Variants in ZNF236 observed in about 807,000 individuals in gnomAD.
ZNF236 encodes zinc finger protein 236.
A neutral mutation model predicts 191.2 loss-of-function variants in ZNF236; 50 were observed. The ratio of observed to expected loss-of-function variants is 0.26; its 90% CI spans 0.21 to 0.33. ZNF236 has a LOEUF of 0.33. Among genes scored for constraint, ZNF236 ranks in the 10% least tolerant of loss-of-function variants. The pLI is 1.00. For synonymous variants in ZNF236, 907 were observed against 928.8 expected (o/e 0.98, Z 0.43); for missense variants, 1,754 against 2,374.5 (o/e 0.74, Z 5.43).
chr18:76,921,917 A>T (rs1006240409), intron 20 of ZNF236, among the ~76,000 whole-genome samples: 1 of 151,938 alleles, frequency 6.6e-6, no homozygotes, highest in African/African-American at 2.4e-5. Flanking sequence ...CCAGTGAGTA[A>T]GTGTGATGAG....
intron 25 of ZNF236, among the ~76,000 whole-genome samples, chr18:76,931,527 C>G (rs1967846595): frequency 6.6e-6 from 1 of 151,792 alleles, no homozygotes; most frequent in South Asian, 2.1e-4. Context: ...GTTAATAACT[C>G]CATGTACAAA....
At chr18:76,958,338 G>A (rs1253398580) in intron 28 of ZNF236, among the ~76,000 whole-genome samples, 1 of 152,156 alleles carries the variant, frequency 6.6e-6, no homozygotes, top group East Asian at 1.9e-4. Flanking sequence ...TTCGAGGAGT[G>A]CAGCTCGTCG....
At position 76,960,919 on chromosome 18, in the gene ZNF236, A is replaced by T. The variant is rs926402918; in HGVS notation, c.5419+64A>T. The T allele has an allele frequency of 1.1e-5, 17 of 1,506,482 alleles. No individual in the cohort carries two copies. Among genetic ancestry groups the T allele is most frequent in the Non-Finnish European group, 1.5e-5 (17 of 1,122,580 alleles). 93.3% of individuals were successfully genotyped at this position (1,506,482 alleles called of 1,614,324 possible). A position where few individuals can be genotyped will look rare whatever the true frequency, so the allele number is the denominator to read the frequency against. Reference sequence around the variant, plus strand: ...GCCTGCGAGGCACCCTGTGTTTCGCATACATTGTTTCCTTTAGTTCACACA... The same window carrying T: ...GCCTGCGAGGCACCCTGTGTTTCGCTTACATTGTTTCCTTTAGTTCACACA... On this transcript the variant is annotated intron_variant, in intron 30 of 30. Transcript: ENST00000320610. This position sits in a 1 kb window ranked among gnomAD's most constrained non-coding sequence, Gnocchi z 4.4.
intron 22 of ZNF236, among the ~76,000 whole-genome samples, chr18:76,926,337 C>T (rs563044770): frequency 1.3e-5 from 2 of 151,864 alleles, no homozygotes; most frequent in South Asian, 2.1e-4. Context: ...AATGAGATTT[C>T]GCGGGTGATT....
At chr18:76,901,496 C>T (rs769709917) in intron 11 of ZNF236, among the ~76,000 whole-genome samples, 5 of 152,210 alleles carry the variant, frequency 3.3e-5, no homozygotes, top group Non-Finnish European at 7.3e-5. Flanking sequence ...CGGTGGCTCA[C>T]GCCTGTGACC....
intron 30 of ZNF236, among the ~76,000 whole-genome samples, chr18:76,963,461 GC>G (rs1968707824): frequency 6.6e-6 from 1 of 152,132 alleles, no homozygotes; most frequent in South Asian, 2.1e-4. Context: ...TTTGATATGT[GC>G]TGGATTCGGT....
chr18:76,827,712 TAGTC>T (rs1197989743), intron 1 of ZNF236, among the ~76,000 whole-genome samples: 1 of 152,200 alleles, frequency 6.6e-6, no homozygotes, highest in African/African-American at 2.4e-5. Flanking sequence ...TTTGTTGAAG[TAGTC>T]AGGACGTGAG....
rs772659000 is a variant in ZNF236, at chr18:76,895,032, C to T, written c.1437C>T (p.Asn479=). Reference sequence around the variant, plus strand: ...TCACAGGCTCCATCCGCGAGGAGAACGGCGTGCGCTGGCATGTGTGTCCCT... The same window carrying T: ...TCACAGGCTCCATCCGCGAGGAGAATGGCGTGCGCTGGCATGTGTGTCCCT... ...PFLPGSIREE[N]GVRWHVCPYC... is the part of the protein sequence containing the mutation. Residue 479 remains asparagine, a synonymous_variant, in exon 10 of 31, where the codon AAC becomes AAT. Transcript: ENST00000320610. 8.1e-6 allele frequency: 13 copies of T among 1,610,022 alleles called. No homozygotes were observed. In the Admixed American group the frequency reaches 1.2e-4, roughly 14 times the overall value.
intron 17 of ZNF236, 117 bp from the exon 18 acceptor site, chr18:76,913,630 C>T (rs1967277661): frequency 9.5e-7 from 1 of 1,051,522 alleles, no homozygotes; most frequent in Non-Finnish European, 1.4e-6. Flanking sequence ...AACAGTTGTG[C>T]CTAAATGTTT....
At chr18:76,893,030 T>G (rs934310957) in intron 9 of ZNF236, among the ~76,000 whole-genome samples, 1 of 152,208 alleles carries the variant, frequency 6.6e-6, no homozygotes, top group African/African-American at 2.4e-5. Context: ...CAGGCCAGAT[T>G]TGGAGACAGC....
At chr18:76,946,953 A>G (rs1037184623) in intron 26 of ZNF236, among the ~76,000 whole-genome samples, 18 of 152,314 alleles carry the variant, frequency 1.2e-4, no homozygotes, top group African/African-American at 2.4e-5. Flanking sequence ...GAGTTGTACA[A>G]CCATCACCAT....
intron 27 of ZNF236, among the ~76,000 whole-genome samples, chr18:76,952,583 C>T (rs1202381418): frequency 6.6e-6 from 1 of 152,186 alleles, no homozygotes; most frequent in Non-Finnish European, 1.5e-5. Context: ...GTCTGTGCAT[C>T]CCTGCTCCCA....
chr18:76,856,285 C>T (rs1379661225), intron 3 of ZNF236, among the ~76,000 whole-genome samples: 2 of 152,012 alleles, frequency 1.3e-5, no homozygotes, highest in Non-Finnish European at 2.9e-5. Context: ...CGAGTTCAAG[C>T]GATTCTCCTG....
intron 28 of ZNF236, among the ~76,000 whole-genome samples, chr18:76,957,132 G>A (rs1040317622): frequency 5.9e-5 from 9 of 151,692 alleles, no homozygotes; most frequent in African/African-American, 9.8e-5. Flanking sequence ...TGGACCCTTG[G>A]GGTTCCTGTG....
chr18:76,927,132 G>T lies in ZNF236; in HGVS notation c.4123G>T (p.Val1375Leu). ...GGCTGCTAACTTGGTTGGACCAAAT[G>T]TACAGATTTCTGGAATCGATGCTGC... ...QLAANLVGPN[V>L]QISGIDAASI... Residue 1375 changes from valine to leucine, a missense_variant, in exon 23 of 31, where the codon GTA becomes TTA. By Grantham distance (32) the Val-to-Leu change is conservative. Transcript: ENST00000320610. The surrounding 1 kb of genome is among the most constrained non-coding windows in gnomAD (Gnocchi z 5.4). 1.2e-6 allele frequency: 2 copies of T among 1,614,104 alleles called. No individual in the cohort carries two copies. Among genetic ancestry groups the T allele is most frequent in the Non-Finnish European group, 1.7e-6 (2 of 1,180,008 alleles).
At chr18:76,829,936 T>G (rs1331809844) in intron 1 of ZNF236, among the ~76,000 whole-genome samples, 2 of 152,196 alleles carry the variant, frequency 1.3e-5, no homozygotes, top group Non-Finnish European at 2.9e-5. Flanking sequence ...AGTGGTGCGA[T>G]CTCCACTCAC....
Position 76,960,547 on chromosome 18 carries a change from C to T in ZNF236, c.5243-132C>T. 1 of 1,207,868 alleles carries T rather than the reference C, an allele frequency of 8.3e-7. No homozygotes were observed. The highest frequency in any genetic ancestry group is 1.2e-6 in the Non-Finnish European group (1 of 839,404). 74.8% of individuals were successfully genotyped at this position (1,207,868 alleles called of 1,614,324 possible). On this transcript the variant is annotated intron_variant, in intron 29 of 30. Transcript: ENST00000320610. The surrounding 1 kb of genome is among the most constrained non-coding windows in gnomAD (Gnocchi z 4.4). ...CCTATGGCTCCTCCAGCCCTTTGTT[C>T]AGATGACAGCCAGGCTGAAAGCCTA...
chr18:76,827,170 A>G (rs1288557366), intron 1 of ZNF236, among the ~76,000 whole-genome samples: 2 of 151,834 alleles, frequency 1.3e-5, no homozygotes, highest in East Asian at 3.9e-4. Context: ...TGCTGGGATT[A>G]TAGGCGTGAG....
In ZNF236 at chr18:76,875,383, C is replaced by A; in HGVS notation, c.668-109C>A. On this transcript the variant is annotated intron_variant, in intron 5 of 30. Coordinates refer to ENST00000320610, the MANE Select transcript of ZNF236 (RefSeq NM_001306089.2). The surrounding 1 kb of genome is among the most constrained non-coding windows in gnomAD (Gnocchi z 4.3). ...ATATGCATCTAGAGTTCTGGGGAGA[C>A]ATTTTGGCTGGAGGGATAGGTTTGG... The A allele has an allele frequency of 9.3e-7, 1 of 1,070,042 alleles. No individual in the cohort carries two copies. Among genetic ancestry groups the A allele is most frequent in the Non-Finnish European group, 1.3e-6 (1 of 789,118 alleles). The allele number at this position is 1,070,042 out of a possible 1,614,324, so 66.3% of individuals were successfully genotyped here. A position where few individuals can be genotyped will look rare whatever the true frequency, so the allele number is the denominator to read the frequency against.
Sources: allele counts gnomAD v4.1 joint callset (sites outside exome capture counted in the v4.1 genomes callset), GRCh38; gene constraint gnomAD v4.1.1; non-coding constraint Gnocchi (gnomAD v3.1); transcripts MANE v1.5; gene names NCBI Gene and HGNC (gene_info 2026-07-23, HGNC 2026-07-21).